Variants in PTPRE observed in about 807,000 individuals in gnomAD.
The protein encoded by PTPRE is protein tyrosine phosphatase receptor type E, also known as receptor-type tyrosine-protein phosphatase epsilon.
A neutral mutation model predicts 102.0 loss-of-function variants in PTPRE; 51 were observed. The observed-to-expected ratio is 0.50, with a 90% CI of 0.40 to 0.63. The LOEUF is 0.63. Ranked by LOEUF, PTPRE falls within the 30% of genes least tolerant of loss-of-function variation. The pLI is 0.00. For synonymous variants in PTPRE, 345 were observed against 348.2 expected, an observed-to-expected ratio of 0.99 and a Z score of 0.10; for missense variants, 752 against 915.1, an observed-to-expected ratio of 0.82 and a Z score of 2.30.
Position 128,072,078 on chromosome 10 carries a change from A to G in PTPRE, c.1388-60A>G, listed in dbSNP as rs1309275922. On this transcript the variant is annotated intron_variant, in intron 15 of 20. Coordinates refer to ENST00000254667, the MANE Select transcript of PTPRE (RefSeq NM_006504.6). Reference sequence around the variant, plus strand: ...ATATTTTGCAAGCTTGTAGCAATGGATTAAAGTTAGCAAGGTGGGACCCTT... The same window carrying G: ...ATATTTTGCAAGCTTGTAGCAATGGGTTAAAGTTAGCAAGGTGGGACCCTT... 5 of 1,455,972 alleles carry G rather than the reference A, an allele frequency of 3.4e-6. No homozygotes were observed. The East Asian group carries it at 9.2e-5, about 27-fold the overall frequency. The allele number at this position is 1,455,972 out of a possible 1,614,324, so 90.2% of individuals were successfully genotyped here.
At chr10:128,049,730 G>T (rs1848403091) in intron 6 of PTPRE, 64 bp downstream of exon 6, 1 of 1,604,582 alleles carries the variant, frequency 6.2e-7, no homozygotes, top group South Asian at 1.1e-5. Context: ...TCCAGTGTTA[G>T]AGTTCAGGAT....
rs755013324 is a variant in PTPRE at position 128,078,805 on chromosome 10, C to T, written c.1893-755C>T. ...GTGAACAAGATCCCACCTGTGAGAA[C>T]GCAGATGCGGGGCCGATCATTGCGG... is the stretch of plus-strand genomic sequence containing the variant. On this transcript the variant is annotated intron_variant, in intron 19 of 20. Transcript: ENST00000254667. Among the ~76,000 whole-genome samples, 6 of 152,340 alleles carry T rather than the reference C, an allele frequency of 3.9e-5. No individual in the cohort carries two copies. In the South Asian group the frequency reaches 8.3e-4, roughly 21 times the overall value.
At chr10:128,076,511 AC>A in intron 17 of PTPRE, 91 bp from the exon 18 acceptor site, 1 of 1,332,346 alleles carries the variant, frequency 7.5e-7, no homozygotes, top group South Asian at 1.5e-5. Context: ...AAATACATTA[AC>A]TGGTTTGAGA....
intron 1 of PTPRE, among the ~76,000 whole-genome samples, chr10:127,920,208 C>T (rs1183664237): frequency 2.6e-5 from 4 of 152,136 alleles, no homozygotes; most frequent in Non-Finnish European, 4.4e-5. Context: ...AGCTGGTTAC[C>T]CTGAGCTCAG....
intron 8 of PTPRE, 145 bp downstream of exon 8, chr10:128,061,160 C>T: frequency 1.5e-6 from 1 of 658,100 alleles, no homozygotes; most frequent in Non-Finnish European, 2.6e-6. Context: ...ACTGCCCGTG[C>T]TTTACACACT....
chr10:128,053,440 TCTC>T (rs1848700622), intron 6 of PTPRE, among the ~76,000 whole-genome samples: 1 of 152,120 alleles, frequency 6.6e-6, no homozygotes, highest in African/African-American at 2.4e-5. Flanking sequence ...CTCCAGGTGC[TCTC>T]CTTTCCCCTG....
intron 2 of PTPRE, among the ~76,000 whole-genome samples, chr10:128,020,083 C>G (rs1438384112): frequency 6.6e-6 from 1 of 151,594 alleles, no homozygotes; most frequent in Non-Finnish European, 1.5e-5. Context: ...TGTGCGTGCA[C>G]ATGCACGCTG....
intron 1 of PTPRE, among the ~76,000 whole-genome samples, chr10:127,955,428 C>T (rs1262297097): frequency 6.6e-6 from 1 of 152,126 alleles, no homozygotes; most frequent in Non-Finnish European, 1.5e-5. Flanking sequence ...CCAGCTATGC[C>T]CATGTAACCA....
chr10:128,022,816 G>A (rs1278687646), intron 2 of PTPRE, among the ~76,000 whole-genome samples: 1 of 152,256 alleles, frequency 6.6e-6, no homozygotes, highest in African/African-American at 2.4e-5. Context: ...GCGGAGTCCT[G>A]TGAACAAGGG....
intron 2 of PTPRE, among the ~76,000 whole-genome samples, chr10:128,026,222 C>A (rs947822154): frequency 6.6e-6 from 1 of 152,218 alleles, no homozygotes; most frequent in Non-Finnish European, 1.5e-5. Context: ...GTGCGGTGGG[C>A]AAATGCTTCA....
rs1428398099 is a variant in PTPRE at position 128,069,597 on chromosome 10, A to G, written c.1008-95A>G. On this transcript the variant is annotated intron_variant, in intron 12 of 20. Coordinates refer to ENST00000254667, the MANE Select transcript of PTPRE (RefSeq NM_006504.6). ...ATTAACCAAAAAAACAAAAAGTTGC[A>G]TCCAGTGACCTGGGTGCGCAGGCCC... 7 of 1,528,864 alleles carry G rather than the reference A, an allele frequency of 4.6e-6. 1 individual carries two copies. In the Admixed American group the frequency reaches 1.3e-4, roughly 28 times the overall value. The allele number at this position is 1,528,864 out of a possible 1,614,324, so 94.7% of individuals were successfully genotyped here. A position where few individuals can be genotyped will look rare whatever the true frequency, so the allele number is the denominator to read the frequency against.
intron 1 of PTPRE, among the ~76,000 whole-genome samples, chr10:127,920,704 C>G (rs767862471): frequency 2.0e-5 from 3 of 152,196 alleles, no homozygotes; most frequent in Non-Finnish European, 4.4e-5. Context: ...CCGTATCAGT[C>G]AGGGACCTTA....
chr10:128,069,894 G>A (rs1360075714), intron 13 of PTPRE, 67 bp downstream of exon 13: 16 of 1,609,988 alleles, frequency 9.9e-6, no homozygotes, highest in Admixed American at 6.7e-5. Context: ...TCGCCACACA[G>A]GTGTGCAGGG....
chr10:127,950,971 C>T (rs1232234503), intron 1 of PTPRE, among the ~76,000 whole-genome samples: 2 of 152,046 alleles, frequency 1.3e-5, no homozygotes, highest in African/African-American at 2.4e-5. Context: ...GTGGCGGGCG[C>T]CTATAGTCCC....
Position 128,070,793 on chromosome 10 carries a change from C to G in PTPRE, c.1294-15C>G. The G allele has an allele frequency of 6.2e-7, 1 of 1,608,778 alleles. No homozygotes were observed. On this transcript the variant is annotated splice_polypyrimidine_tract_variant and intron_variant, in intron 14 of 20. Coordinates refer to ENST00000254667, the MANE Select transcript of PTPRE (RefSeq NM_006504.6). This position sits in a 1 kb window ranked among gnomAD's most constrained non-coding sequence, Gnocchi z 4.8. ...CAGAGGTTTAACTGTGTCATTATAT[C>G]CTTCTCTGCTGCAGAAATTGACAAA...
At chr10:128,039,006 C>A (rs1190945327) in intron 2 of PTPRE, among the ~76,000 whole-genome samples, 1 of 152,150 alleles carries the variant, frequency 6.6e-6, no homozygotes, top group Admixed American at 6.5e-5. Flanking sequence ...CCTCTTAGAT[C>A]ACTGAGCATT....
intron 2 of PTPRE, among the ~76,000 whole-genome samples, chr10:128,003,886 C>T (rs1391173865): frequency 6.6e-6 from 1 of 152,164 alleles, no homozygotes; most frequent in African/African-American, 2.4e-5. Context: ...GATGCCCATT[C>T]GGATGCTCCC....
intron 1 of PTPRE, among the ~76,000 whole-genome samples, chr10:127,931,816 C>T (rs746919827): frequency 1.3e-5 from 2 of 152,152 alleles, no homozygotes; most frequent in Non-Finnish European, 2.9e-5. Context: ...TACTGTTTAT[C>T]TCCACAACAC....
At position 128,014,333 on chromosome 10, in the gene PTPRE, C is replaced by T. The variant is rs140143395; in HGVS notation, c.-7-26542C>T. 6.4e-3 allele frequency among the ~76,000 whole-genome samples: 977 copies of T among 152,224 alleles called. 8 individuals carry two copies. The highest frequency in any genetic ancestry group is 0.022 in the African/African-American group (930 of 41,514). ...GGGGTCAAATGTTCTCCCAAACAAC[C>T]GGAGGAGCAGTTATAAATAATGCAT... On this transcript the variant is annotated intron_variant, in intron 2 of 20. Coordinates refer to ENST00000254667, the MANE Select transcript of PTPRE (RefSeq NM_006504.6).
Sources: gnomAD v4.1 joint callset for allele counts (sites outside exome capture counted in the v4.1 genomes callset) on GRCh38, gnomAD v4.1.1 for gene constraint, Gnocchi (gnomAD v3.1) non-coding constraint, MANE v1.5 for transcripts, NCBI Gene and HGNC (gene_info 2026-07-23, HGNC 2026-07-21) for gene names.